The following LMAN2L variants were observed in gnomAD, a reference collection of about 807,000 sequenced individuals.
LMAN2L encodes lectin, mannose binding 2 like, also known as VIP36-like protein.
A neutral mutation model predicts 44.3 loss-of-function variants in LMAN2L; 30 were observed. That is an observed-to-expected ratio of 0.68 (90% CI 0.51 to 0.92). The LOEUF is 0.92. Ranked by LOEUF, LMAN2L falls within the 40% of genes least tolerant of loss-of-function variation. The probability of loss-of-function intolerance (pLI) is 0.00; values close to 1 mark genes in which losing one functional copy is unlikely to be tolerated. For missense variants in LMAN2L, 429 were observed against 446.1 expected, an observed-to-expected ratio of 0.96 and a Z score of 0.35; for synonymous variants, 183 against 171.1, an observed-to-expected ratio of 1.07 and a Z score of -0.54.
chr2:96,739,860 A>G lies in LMAN2L; in HGVS notation c.181T>C (p.Tyr61His). The change falls in exon 1 of 8, where the codon TAC becomes CAC. Residue 61 changes from tyrosine (Y) to histidine (H), a missense_variant. Transcript: ENST00000264963. ...LKREHSLSKP[Y>H]QGVGTGSSSL... ...CTCACCCTGGGCGCCTCACCCTGGTAGGGCTTCGACAGCGAGTGCTCCCGT... is the reference window on the plus strand; with the variant it reads ...CTCACCCTGGGCGCCTCACCCTGGTGGGGCTTCGACAGCGAGTGCTCCCGT... 6.2e-7 allele frequency: 1 copy of G among 1,613,562 alleles called. No individual in the cohort carries two copies. Among genetic ancestry groups the G allele is most frequent in the Non-Finnish European group, 8.5e-7 (1 of 1,179,964 alleles).
At chr2:96,724,328 A>C (rs992963096) in intron 4 of LMAN2L, among the ~76,000 whole-genome samples, 1 of 152,124 alleles carries the variant, frequency 6.6e-6, no homozygotes, top group South Asian at 2.1e-4. Context: ...TTCCATATGG[A>C]TGTTAAGATC....
intron 2 of LMAN2L, 186 bp from the exon 3 acceptor site, chr2:96,734,712 T>C: frequency 1.7e-6 from 1 of 577,200 alleles, no homozygotes; most frequent in Non-Finnish European, 3.1e-6. Flanking sequence ...CATTCAACTG[T>C]TTAGAGATTT....
intron 4 of LMAN2L, among the ~76,000 whole-genome samples, chr2:96,717,533 GAAAAA>G (rs763461930): frequency 9.0e-6 from 1 of 111,112 alleles, no homozygotes. Context: ...CCCTGTGTCG[GAAAAA>G]AAAAAAAAAA....
intron 4 of LMAN2L, among the ~76,000 whole-genome samples, chr2:96,716,383 C>A (rs2078041072): frequency 6.6e-6 from 1 of 151,832 alleles, no homozygotes; most frequent in African/African-American, 2.4e-5. Context: ...AACTCTGTTA[C>A]CACACAACTG....
At chr2:96,737,088 G>A (rs905598835) in intron 2 of LMAN2L, 17 of 446,768 alleles carry the variant, frequency 3.8e-5, no homozygotes, top group South Asian at 9.6e-5. Flanking sequence ...TAAACTGGTC[G>A]TAAAAGATTT....
chr2:96,712,106 C>A (rs1472772574), intron 4 of LMAN2L, 81 bp from the exon 5 acceptor site: 1 of 1,437,772 alleles, frequency 7.0e-7, no homozygotes, highest in African/African-American at 1.4e-5. Context: ...GAATTCAGCA[C>A]ATACAAGTTG....
intron 3 of LMAN2L, 68 bp from the exon 4 acceptor site, chr2:96,733,669 C>T: frequency 2.4e-6 from 3 of 1,276,142 alleles, no homozygotes; most frequent in Non-Finnish European, 3.4e-6. Flanking sequence ...TAATATATCA[C>T]TATGATGGAG....
chr2:96,731,551 CAGG>C (rs1376338330), intron 4 of LMAN2L, among the ~76,000 whole-genome samples: 2 of 152,038 alleles, frequency 1.3e-5, no homozygotes, highest in East Asian at 3.9e-4. Context: ...GAGGCTGAGG[CAGG>C]AGAATGGCTT....
At chr2:96,710,642 G>A (rs777930683) in intron 6 of LMAN2L, among the ~76,000 whole-genome samples, 3 of 151,576 alleles carry the variant, frequency 2.0e-5, no homozygotes, top group Admixed American at 1.3e-4. Flanking sequence ...CCAGCCTGGC[G>A]ACAGAGCGAG....
intron 7 of LMAN2L, 125 bp downstream of exon 7, chr2:96,707,589 G>A: frequency 2.3e-6 from 3 of 1,319,828 alleles, no homozygotes; most frequent in Non-Finnish European, 3.1e-6. Context: ...GGGAAAGGCA[G>A]ATGAAAGTGC....
intron 7 of LMAN2L, 147 bp from the exon 8 acceptor site, chr2:96,707,545 A>G: frequency 8.2e-7 from 1 of 1,224,918 alleles, no homozygotes; most frequent in Non-Finnish European, 1.1e-6. Context: ...TGAGAAACAA[A>G]GCGGCCCTCC....
rs557342764 is a variant in LMAN2L, at chr2:96,710,454, G to A, written c.784+1202C>T. 7.9e-5 allele frequency among the ~76,000 whole-genome samples: 12 copies of A among 152,242 alleles called. No individual in the cohort carries two copies. In the South Asian group the frequency reaches 2.5e-3, roughly 32 times the overall value. On this transcript the variant is annotated intron_variant, in intron 6 of 7. Transcript: ENST00000264963. ...GGAGGCCAAGGCGGGCGGATCACAAGGTCGAGATGGAGACCATCCTGGCCA... is the reference window on the plus strand; with the variant it reads ...GGAGGCCAAGGCGGGCGGATCACAAAGTCGAGATGGAGACCATCCTGGCCA...
chr2:96,720,022 C>CA (rs1433411524), intron 4 of LMAN2L, among the ~76,000 whole-genome samples: 2 of 151,334 alleles, frequency 1.3e-5, no homozygotes, highest in African/African-American at 4.9e-5. Context: ...ATGCAAGACT[C>CA]AGTCTCAAAA....
intron 2 of LMAN2L, among the ~76,000 whole-genome samples, chr2:96,736,133 G>A (rs773120518): frequency 6.6e-6 from 1 of 152,192 alleles, no homozygotes; most frequent in African/African-American, 2.4e-5. Flanking sequence ...GCCAAGAGGT[G>A]TCTGTCACTG....
chr2:96,724,375 T>C (rs1481821592), intron 4 of LMAN2L, among the ~76,000 whole-genome samples: 1 of 152,242 alleles, frequency 6.6e-6, no homozygotes, highest in East Asian at 1.9e-4. Context: ...AGCTAAGTTT[T>C]TGAGAGGTAG....
At chr2:96,716,589 T>C (rs1383637635) in intron 4 of LMAN2L, among the ~76,000 whole-genome samples, 1 of 152,228 alleles carries the variant, frequency 6.6e-6, no homozygotes, top group Non-Finnish European at 1.5e-5. Context: ...GTGTGAATAA[T>C]AGCTGGTGTT....
chr2:96,709,420 G>A (rs1322029980), intron 6 of LMAN2L, among the ~76,000 whole-genome samples: 5 of 152,174 alleles, frequency 3.3e-5, no homozygotes, highest in African/African-American at 1.2e-4. Context: ...TCCTTTTAGG[G>A]GGAATTGGTA....
chr2:96,715,541 C>T (rs1181610778), intron 4 of LMAN2L, among the ~76,000 whole-genome samples: 1 of 152,206 alleles, frequency 6.6e-6, no homozygotes, highest in Non-Finnish European at 1.5e-5. Flanking sequence ...ATTGAAGAAT[C>T]ACACTGGTTC....
chr2:96,711,074 G>C (rs1573997230), intron 6 of LMAN2L, among the ~76,000 whole-genome samples: 1 of 152,220 alleles, frequency 6.6e-6, no homozygotes, highest in African/African-American at 2.4e-5. Context: ...TAAATGAGCT[G>C]AGGAGGACAA....
Sources: allele counts gnomAD v4.1 joint callset (sites outside exome capture counted in the v4.1 genomes callset), GRCh38; gene constraint gnomAD v4.1.1; transcripts MANE v1.5; gene names NCBI Gene and HGNC (gene_info 2026-07-23, HGNC 2026-07-21).